Variants in EBAG9 observed in about 807,000 individuals in gnomAD.
The protein encoded by EBAG9 is estrogen receptor binding site associated antigen 9.
A neutral mutation model predicts 30.9 loss-of-function variants in EBAG9; 16 were observed. The ratio of observed to expected loss-of-function variants is 0.52; its 90% CI spans 0.35 to 0.79. The LOEUF is 0.79. Ranked by LOEUF, EBAG9 falls within the 30% of genes least tolerant of loss-of-function variation. The pLI is 0.01. For synonymous variants in EBAG9, 93 were observed against 82.8 expected (o/e 1.12, Z -0.67); for missense variants, 197 against 242.1 (o/e 0.81, Z 1.24).
intron 1 of EBAG9, among the ~76,000 whole-genome samples, chr8:109,548,422 G>GCTAT (rs1364904959): frequency 4.6e-5 from 7 of 152,040 alleles, no homozygotes; most frequent in Non-Finnish European, 4.4e-5. Flanking sequence ...GATAGTGCTA[G>GCTAT]CTGTTTTACC....
chr8:109,550,622 T>C (rs1821473729), intron 1 of EBAG9, 188 bp from the exon 2 acceptor site: 2 of 463,760 alleles, frequency 4.3e-6, no homozygotes, highest in Non-Finnish European at 7.5e-6. Flanking sequence ...CATTGAAAAC[T>C]CGAAAACCTG....
chr8:109,545,819 C>T (rs1315928470), intron 1 of EBAG9, among the ~76,000 whole-genome samples: 1 of 152,126 alleles, frequency 6.6e-6, no homozygotes, highest in Non-Finnish European at 1.5e-5. Context: ...TACAACCAGA[C>T]TCTTTGGGTT....
At position 109,560,921 on chromosome 8, in the gene EBAG9, A is replaced by T. The variant is rs767740188; in HGVS notation, c.513A>T (p.Glu171Asp). 19 of 1,612,080 alleles carry T rather than the reference A, an allele frequency of 1.2e-5. No individual in the cohort carries two copies. Among genetic ancestry groups the T allele is most frequent in the East Asian group, 2.2e-5 (1 of 44,788 alleles). The change falls in exon 6 of 7, where the codon GAA (glutamate) becomes GAT (aspartate). Residue 171 changes from glutamate (E) to aspartate (D), a missense_variant. Coordinates refer to ENST00000337573, the MANE Select transcript of EBAG9 (RefSeq NM_004215.5). The part of the protein sequence containing the change: ...EEEDAAWQAE[E>D]VLRQQKLADR... ...AAGATGCAGCCTGGCAAGCAGAAGA[A>T]GTTCTGAGGTATTTGAGTGGCATTT...
intron 6 of EBAG9, chr8:109,563,364 C>A: frequency 1.9e-6 from 3 of 1,592,410 alleles, no homozygotes; most frequent in Non-Finnish European, 2.5e-6. Context: ...ACGTTGCATA[C>A]TTGAATGATT....
At chr8:109,559,228 G>A (rs758789761) in intron 5 of EBAG9, among the ~76,000 whole-genome samples, 76 of 152,158 alleles carry the variant, frequency 5.0e-4, no homozygotes, top group Non-Finnish European at 9.0e-4. Flanking sequence ...AGGCCAAGGC[G>A]GGCAGGTCAC....
intron 1 of EBAG9, among the ~76,000 whole-genome samples, chr8:109,546,936 C>G (rs576474548): frequency 6.6e-6 from 1 of 152,122 alleles, no homozygotes; most frequent in Non-Finnish European, 1.5e-5. Flanking sequence ...TGTCCACTCA[C>G]CTGTTGATAT....
rs1477410164 is a variant in EBAG9 at position 109,556,975 on chromosome 8, C to T, written c.362C>T (p.Pro121Leu). ...AGAGAACCATTGAATTTTGGCATCCCAGATGGGAGCACAGGTTTCTCTAGT... is the reference window on the plus strand; with the variant it reads ...AGAGAACCATTGAATTTTGGCATCCTAGATGGGAGCACAGGTTTCTCTAGT... ...KKREPLNFGI[P>L]DGSTGFSSRL... is the part of the protein sequence containing the mutation. The change falls in exon 5 of 7, where the codon CCA becomes CTA. Residue 121 changes from proline (P) to leucine (L), a missense_variant. By Grantham distance (98) the Pro-to-Leu change is moderately conservative. Transcript: ENST00000337573. 1 of 1,603,694 alleles carries T rather than the reference C, an allele frequency of 6.2e-7. No homozygotes were observed. The highest frequency in any genetic ancestry group is 1.7e-5 in the Admixed American group (1 of 59,034).
At chr8:109,541,017 A>G (rs1391181907) in intron 1 of EBAG9, among the ~76,000 whole-genome samples, 1 of 151,972 alleles carries the variant, frequency 6.6e-6, no homozygotes, top group African/African-American at 2.4e-5. Flanking sequence ...TTGATCTATC[A>G]GTTTCTAATG....
chr8:109,547,167 T>C (rs779189476), intron 1 of EBAG9, among the ~76,000 whole-genome samples: 4 of 152,174 alleles, frequency 2.6e-5, no homozygotes, highest in Middle Eastern at 3.4e-3. Flanking sequence ...AGTCTTTATA[T>C]GGCTATATAC....
Position 109,559,669 on chromosome 8 carries a change from G to T in EBAG9, c.430-1169G>T, listed in dbSNP as rs114905428. On this transcript the variant is annotated intron_variant, in intron 5 of 6. Transcript: ENST00000337573. ...TCTAAAAAAATGTAAAAAACAATCA[G>T]CCAGGTGTGGTGGCATGTGCCTATA... 2.1e-3 allele frequency among the ~76,000 whole-genome samples: 320 copies of T among 152,116 alleles called. 4 individuals are homozygous for T. The highest frequency in any genetic ancestry group is 7.5e-3 in the African/African-American group (312 of 41,486).
chr8:109,539,760 G>A (rs897891135), upstream of EBAG9: 2 of 152,262 alleles, frequency 1.3e-5, no homozygotes, highest in African/African-American at 4.8e-5. Context: ...AGGCTGCTAC[G>A]GAGCGCGCGC....
At chr8:109,550,966 T>A (rs1046872066) in intron 2 of EBAG9, 59 bp downstream of exon 2, 2 of 1,144,764 alleles carry the variant, frequency 1.7e-6, no homozygotes, top group Admixed American at 2.1e-5. Context: ...TTGGATACCT[T>A]CAAAACTTCA....
At chr8:109,541,272 G>A (rs1030252061) in intron 1 of EBAG9, among the ~76,000 whole-genome samples, 1 of 152,026 alleles carries the variant, frequency 6.6e-6, no homozygotes, top group African/African-American at 2.4e-5. Context: ...AAAGTGTAAA[G>A]TAGCGTAAGA....
chr8:109,564,418 T>A, intron 6 of EBAG9, 21 bp from the exon 7 acceptor site: 5 of 1,607,712 alleles, frequency 3.1e-6, no homozygotes, highest in Non-Finnish European at 3.4e-6. Context: ...TTTCTAAAAG[T>A]AAAAGTATGT....
rs532008414 is a variant in EBAG9 at position 109,555,229 on chromosome 8, C to T, written c.321+342C>T. 4.0e-5 allele frequency among the ~76,000 whole-genome samples: 6 copies of T among 151,872 alleles called. No homozygotes were observed. The South Asian group carries it at 1.2e-3, about 32-fold the overall frequency. Reference sequence around the variant, plus strand: ...GTTCCCACCTATGAGTGACAACATGCAGTGTTTGGTTTTTTGTCCTTGCGA... The same window carrying T: ...GTTCCCACCTATGAGTGACAACATGTAGTGTTTGGTTTTTTGTCCTTGCGA... On this transcript the variant is annotated intron_variant, in intron 4 of 6. Transcript: ENST00000337573.
At chr8:109,555,009 G>A (rs1435540710) in intron 4 of EBAG9, 122 bp downstream of exon 4, 1 of 1,014,016 alleles carries the variant, frequency 9.9e-7, no homozygotes, top group Non-Finnish European at 1.4e-6. Flanking sequence ...AATACTTTAA[G>A]TTTTAGGGTA....
At chr8:109,543,135 C>CTTTTTTTTTT (rs557388998) in intron 1 of EBAG9, among the ~76,000 whole-genome samples, 3 of 52,878 alleles carry the variant, frequency 5.7e-5, no homozygotes, top group Admixed American at 2.9e-4. Context: ...TATTCTGGTT[C>CTTTTTTTTTT]TTTTTTTTTT....
chr8:109,558,857 C>T (rs906674633), intron 5 of EBAG9, among the ~76,000 whole-genome samples: 7 of 152,022 alleles, frequency 4.6e-5, no homozygotes, highest in Admixed American at 4.6e-4. Flanking sequence ...AGATAAATGT[C>T]ATGTTTTATA....
At chr8:109,544,187 A>G (rs938120675) in intron 1 of EBAG9, among the ~76,000 whole-genome samples, 4 of 152,208 alleles carry the variant, frequency 2.6e-5, no homozygotes, top group South Asian at 2.1e-4. Flanking sequence ...AAAAAGGTAT[A>G]TAGCTGTCCC....
Sources: gnomAD v4.1 joint callset for allele counts (sites outside exome capture counted in the v4.1 genomes callset) on GRCh38, gnomAD v4.1.1 for gene constraint, MANE v1.5 for transcripts, NCBI Gene and HGNC (gene_info 2026-07-23, HGNC 2026-07-21) for gene names.